Variants in CTNNA3 observed in about 807,000 individuals in gnomAD.
CTNNA3 encodes catenin alpha 3.
A neutral mutation model predicts 95.7 loss-of-function variants in CTNNA3; 76 were observed. The observed-to-expected ratio is 0.79, with a 90% confidence interval of 0.66 to 0.96. The LOEUF (loss-of-function observed/expected upper bound fraction) is 0.96, where lower values mean the gene tolerates loss of function less well. Among genes scored for constraint, CTNNA3 ranks in the 40% least tolerant of loss-of-function variants. The pLI is 0.00. For missense variants in CTNNA3, 1,191 were observed against 1,089.8 expected (o/e 1.09, Z -1.31); for synonymous variants, 431 against 374.4 (o/e 1.15, Z -1.74).
intron 1 of CTNNA3, among the ~76,000 whole-genome samples, chr10:67,683,631 A>C (rs1193549025): frequency 6.6e-6 from 1 of 152,218 alleles, no homozygotes; most frequent in African/African-American, 2.4e-5. Flanking sequence ...TCATGCATAT[A>C]GGTAAGAGTG....
intron 13 of CTNNA3, among the ~76,000 whole-genome samples, chr10:66,203,360 C>T (rs72795396): frequency 2.6e-5 from 4 of 152,066 alleles, no homozygotes; most frequent in East Asian, 1.9e-4. Flanking sequence ...CTTCAAAATG[C>T]GGCTATGCTT....
intron 11 of CTNNA3, among the ~76,000 whole-genome samples, chr10:66,507,374 C>A (rs60164281): frequency 0.01 from 1,588 of 152,224 alleles, 28 homozygotes; most frequent in African/African-American, 0.037. Context: ...ATCCTCTCTT[C>A]TAGCTTTTTG....
Position 67,099,524 on chromosome 10 carries a change from A to G in CTNNA3, c.1047+80793T>C, listed in dbSNP as rs567416607. 4 of 152,374 alleles carry G rather than the reference A, an allele frequency of 2.6e-5. No homozygotes were observed. In the South Asian group the frequency reaches 8.3e-4, roughly 32 times the overall value. 9.4% of individuals were successfully genotyped at this position (152,374 alleles called of 1,614,324 possible). A position where few individuals can be genotyped will look rare whatever the true frequency, so the allele number is the denominator to read the frequency against. ...TTTTTATCTCTTCCAAAGAAGTTAT[A>G]TCTATAAAATCTAGTTTTATGCAGG... On this transcript the variant is annotated intron_variant, in intron 7 of 17. Coordinates refer to ENST00000433211, the MANE Select transcript of CTNNA3 (RefSeq NM_013266.4).
chr10:66,147,435 T>C (rs1362017096), intron 13 of CTNNA3, among the ~76,000 whole-genome samples: 10 of 152,176 alleles, frequency 6.6e-5, no homozygotes, highest in Non-Finnish European at 1.2e-4. Flanking sequence ...TGATATGATA[T>C]ATAGTGTTCT....
intron 5 of CTNNA3, among the ~76,000 whole-genome samples, chr10:67,367,022 A>T (rs1843242474): frequency 6.6e-6 from 1 of 152,194 alleles, no homozygotes; most frequent in African/African-American, 2.4e-5. Context: ...GCCTTTTTAG[A>T]CATCAGCCTT....
chr10:66,123,726 C>T (rs1296494059), intron 13 of CTNNA3, among the ~76,000 whole-genome samples: 2 of 152,156 alleles, frequency 1.3e-5, no homozygotes, highest in African/African-American at 2.4e-5. Flanking sequence ...AATTCTTGAC[C>T]TCTGTGCACT....
intron 12 of CTNNA3, among the ~76,000 whole-genome samples, chr10:66,373,696 G>A (rs138339199): frequency 8.3e-4 from 126 of 152,178 alleles, no homozygotes; most frequent in African/African-American, 2.7e-3. Flanking sequence ...GAGGAAATTC[G>A]CCAACAATGG....
chr10:67,171,801 A>G (rs10997546), intron 7 of CTNNA3, among the ~76,000 whole-genome samples: 3,296 of 152,270 alleles, frequency 0.022, 90 homozygotes, highest in African/African-American at 0.072. Flanking sequence ...ATATATTTCA[A>G]TGGAAATTGA....
intron 7 of CTNNA3, among the ~76,000 whole-genome samples, chr10:66,838,645 C>T (rs1842955615): frequency 6.6e-6 from 1 of 152,092 alleles, no homozygotes; most frequent in South Asian, 2.1e-4. Flanking sequence ...GCCCCCAGGA[C>T]TAGCCTTTAC....
chr10:66,461,084 T>C (rs1008025617), intron 11 of CTNNA3, among the ~76,000 whole-genome samples: 2 of 152,168 alleles, frequency 1.3e-5, no homozygotes, highest in East Asian at 1.9e-4. Context: ...AAAATAATTA[T>C]AGTCTGGTAA....
chr10:67,657,803 C>T (rs1468680194), intron 1 of CTNNA3, among the ~76,000 whole-genome samples: 5 of 144,918 alleles, frequency 3.5e-5, no homozygotes, highest in African/African-American at 5.2e-5. Flanking sequence ...GCTGAGATCA[C>T]GCCATTGCAC....
chr10:66,205,285 AAATCATCAACATTGTAAGAAAAC>A (rs1191608498), intron 13 of CTNNA3, among the ~76,000 whole-genome samples: 1 of 152,010 alleles, frequency 6.6e-6, no homozygotes, highest in African/African-American at 2.4e-5. Flanking sequence ...CATTTTTTTA[AAATCATCAACATTGTAAGAAAAC>A]AATGTTGAAT....
chr10:66,338,107 A>G (rs2092415180), intron 12 of CTNNA3, among the ~76,000 whole-genome samples: 1 of 152,102 alleles, frequency 6.6e-6, no homozygotes, highest in African/African-American at 2.4e-5. Context: ...ACAATGGACT[A>G]TTATTCAGCC....
intron 9 of CTNNA3, among the ~76,000 whole-genome samples, chr10:66,689,837 G>T (rs1451508743): frequency 1.3e-5 from 2 of 152,152 alleles, no homozygotes; most frequent in African/African-American, 4.8e-5. Context: ...AAAATGAGAA[G>T]AAAATAACTC....
At chr10:66,110,791 G>C (rs2082093984) in intron 13 of CTNNA3, among the ~76,000 whole-genome samples, 1 of 152,112 alleles carries the variant, frequency 6.6e-6, no homozygotes, top group East Asian at 1.9e-4. Context: ...CCTGAGAAAT[G>C]TGTCATTATA....
At position 66,106,337 on chromosome 10, in the gene CTNNA3, TTGTGTGTGTGTGTGTG is replaced by T. The variant is rs201326026; in HGVS notation, c.1885-3104_1885-3089del. Among the ~76,000 whole-genome samples the T allele has an allele frequency of 7.4e-4, 108 of 145,552 alleles. 1 individual carries two copies. Among genetic ancestry groups the T allele is most frequent in the East Asian group, 2.6e-3 (13 of 4,942 alleles). ...CTGGAAGTTTTGTGTGTGTGTGTGT[TTGTGTGTGTGTGTGTG>T]TGTGTGTGTGTGTGTGTGTGTGTGT... On this transcript the variant is annotated intron_variant, in intron 13 of 17. Transcript: ENST00000433211.
chr10:67,084,252 A>C (rs1857192076), intron 7 of CTNNA3, among the ~76,000 whole-genome samples: 1 of 151,870 alleles, frequency 6.6e-6, no homozygotes, highest in African/African-American at 2.4e-5. Context: ...AATGGTTGGC[A>C]AAAATCTACA....
intron 13 of CTNNA3, among the ~76,000 whole-genome samples, chr10:66,106,121 T>C (rs1248780021): frequency 4.6e-5 from 7 of 151,302 alleles, no homozygotes; most frequent in Non-Finnish European, 7.4e-5. Flanking sequence ...GCAGGAGAAT[T>C]GCTTGAATCC....
At chr10:67,233,992 A>G (rs1865341161) in intron 5 of CTNNA3, among the ~76,000 whole-genome samples, 1 of 152,234 alleles carries the variant, frequency 6.6e-6, no homozygotes, top group South Asian at 2.1e-4. Flanking sequence ...TAGGACCAAT[A>G]ACAGGAGCTG....
Sources: gnomAD v4.1 joint callset for allele counts (sites outside exome capture counted in the v4.1 genomes callset) on GRCh38, gnomAD v4.1.1 for gene constraint, MANE v1.5 for transcripts, NCBI Gene and HGNC (gene_info 2026-07-23, HGNC 2026-07-21) for gene names.